Variants in PTPRD observed in about 807,000 individuals in gnomAD.
PTPRD encodes the protein protein tyrosine phosphatase receptor type D.
In PTPRD, 34 loss-of-function variants were observed where a neutral mutation model predicts 214.5. The observed-to-expected ratio is 0.16, with a 90% CI of 0.12 to 0.21. The LOEUF (loss-of-function observed/expected upper bound fraction) is 0.21. Among genes scored for constraint, PTPRD ranks in the 10% least tolerant of loss-of-function variants. The pLI is 1.00. For synonymous variants in PTPRD, 1,128 were observed against 845.7 expected (o/e 1.33, Z -5.79); for missense variants, 2,545 against 2,398.7 (o/e 1.06, Z -1.27).
chr9:8,847,884 C>A (rs1192243518), intron 11 of PTPRD, among the ~76,000 whole-genome samples: 1 of 152,104 alleles, frequency 6.6e-6, no homozygotes, highest in Non-Finnish European at 1.5e-5. Flanking sequence ...GGGCAGGCTG[C>A]CAATAAGCAG....
intron 4 of PTPRD, among the ~76,000 whole-genome samples, chr9:9,995,573 G>C (rs1431126759): frequency 1.3e-5 from 2 of 152,136 alleles, no homozygotes; most frequent in Non-Finnish European, 2.9e-5. Flanking sequence ...CTTGGCAGTG[G>C]CCACTTTAGT....
At chr9:9,796,465 A>C (rs1279760169) in intron 5 of PTPRD, among the ~76,000 whole-genome samples, 1 of 152,138 alleles carries the variant, frequency 6.6e-6, no homozygotes, top group Non-Finnish European at 1.5e-5. Flanking sequence ...AAAATTGAAA[A>C]ATAGTCATGT....
At chr9:10,578,700 G>T (rs550441712) in intron 2 of PTPRD, among the ~76,000 whole-genome samples, 1 of 152,170 alleles carries the variant, frequency 6.6e-6, no homozygotes, top group South Asian at 2.1e-4. Flanking sequence ...CTACAGCATT[G>T]CCACTTTCGT....
intron 2 of PTPRD, among the ~76,000 whole-genome samples, chr9:10,344,156 T>C (rs1412749953): frequency 6.6e-6 from 1 of 151,654 alleles, no homozygotes; most frequent in Non-Finnish European, 1.5e-5. Context: ...GTTTTTATGG[T>C]TTTAGGTCTT....
chr9:9,642,893 A>C (rs1043734659), intron 7 of PTPRD, among the ~76,000 whole-genome samples: 2 of 152,232 alleles, frequency 1.3e-5, no homozygotes, highest in Admixed American at 6.5e-5. Context: ...TTGCAAAAAC[A>C]GAGCTGTGAT....
chr9:9,725,672 G>A (rs2098075935), intron 7 of PTPRD, among the ~76,000 whole-genome samples: 1 of 152,044 alleles, frequency 6.6e-6, no homozygotes, highest in Admixed American at 6.6e-5. Flanking sequence ...TCAACTACAT[G>A]TTTGTAGAAA....
At position 8,316,289 on chromosome 9, in the gene PTPRD, A is replaced by T. The variant is rs1397522912; in HGVS notation, c.*1585T>A. 3.5e-5 allele frequency: 8 copies of T among 230,938 alleles called. No homozygotes were observed. The highest frequency in any genetic ancestry group is 6.9e-5 in the Non-Finnish European group (8 of 116,340). The allele number at this position is 230,938 out of a possible 1,614,324, so 14.3% of individuals were successfully genotyped here. On this transcript the variant is annotated 3_prime_UTR_variant, in exon 46 of 46. Coordinates refer to ENST00000381196, the MANE Select transcript of PTPRD (RefSeq NM_002839.4). ...GTAACAGATACGAACAGTGAATGGA[A>T]ATACGAACCAAAAGCTAAAAAGAAA...
chr9:8,351,680 T>C (rs2075490789), intron 39 of PTPRD, among the ~76,000 whole-genome samples: 1 of 132,222 alleles, frequency 7.6e-6, no homozygotes, highest in Non-Finnish European at 1.5e-5. Context: ...TTTTAAAGAG[T>C]GGATATCAGA....
chr9:10,129,193 C>A (rs1003555878), intron 3 of PTPRD, among the ~76,000 whole-genome samples: 1 of 152,050 alleles, frequency 6.6e-6, no homozygotes, highest in Non-Finnish European at 1.5e-5. Context: ...ATTCATCTTG[C>A]TTTGTTTATA....
chr9:9,668,753 T>G (rs1564431757), intron 7 of PTPRD, among the ~76,000 whole-genome samples: 1 of 152,186 alleles, frequency 6.6e-6, no homozygotes, highest in African/African-American at 2.4e-5. Context: ...TCGTTTCATC[T>G]TTAATTGATA....
intron 11 of PTPRD, among the ~76,000 whole-genome samples, chr9:9,000,360 G>C (rs1049921965): frequency 6.6e-6 from 1 of 151,940 alleles, no homozygotes; most frequent in Non-Finnish European, 1.5e-5. Flanking sequence ...ATGTGCAATA[G>C]GGGAGAATTC....
At chr9:9,506,719 G>T (rs1415023543) in intron 8 of PTPRD, among the ~76,000 whole-genome samples, 1 of 151,340 alleles carries the variant, frequency 6.6e-6, no homozygotes, top group Non-Finnish European at 1.5e-5. Context: ...TAGTGGAAAA[G>T]CACATTAAGA....
rs555856119 is a variant in PTPRD, at chr9:9,860,742, A to G, written c.-368+77765T>C. Reference sequence around the variant, plus strand: ...GAAGCTTTCCTAGGACCACTAAACAATTGTAGTTCATTACTGATCCACACC... The same window carrying G: ...GAAGCTTTCCTAGGACCACTAAACAGTTGTAGTTCATTACTGATCCACACC... On this transcript the variant is annotated intron_variant, in intron 5 of 45. Transcript: ENST00000381196. Among the ~76,000 whole-genome samples, 3 of 152,302 alleles carry G rather than the reference A, an allele frequency of 2.0e-5. No homozygotes were observed. In the East Asian group the frequency reaches 5.8e-4, roughly 29 times the overall value.
At chr9:8,952,640 T>G (rs531533778) in intron 11 of PTPRD, among the ~76,000 whole-genome samples, 1 of 151,910 alleles carries the variant, frequency 6.6e-6, no homozygotes, top group African/African-American at 2.4e-5. Context: ...ATTCAACAGG[T>G]TGTAGGTAAC....
rs113888574 is a variant in PTPRD, at chr9:9,877,530, G to A, written c.-368+60977C>T. 5.3e-5 allele frequency among the ~76,000 whole-genome samples: 8 copies of A among 152,166 alleles called. No individual in the cohort carries two copies. In the East Asian group the frequency reaches 1.5e-3, roughly 29 times the overall value. Reference sequence around the variant, plus strand: ...TTTTCATGACTCCTATGATCAAAGTGAGAGTGAATCTTAGGTGAAAGGAGG... The same window carrying A: ...TTTTCATGACTCCTATGATCAAAGTAAGAGTGAATCTTAGGTGAAAGGAGG... On this transcript the variant is annotated intron_variant, in intron 5 of 45. Transcript: ENST00000381196.
chr9:8,517,773 CTTT>C (rs886569514), intron 21 of PTPRD, 72 bp downstream of exon 21: 67 of 1,275,390 alleles, frequency 5.3e-5, no homozygotes, highest in African/African-American at 2.3e-4. Flanking sequence ...TTTGTTCCTT[CTTT>C]GTTTTTGTCC....
intron 4 of PTPRD, among the ~76,000 whole-genome samples, chr9:10,019,339 C>G (rs181456043): frequency 0.025 from 3,732 of 152,198 alleles, 155 homozygotes; most frequent in African/African-American, 0.082. Context: ...GGACTGTAAA[C>G]TAGTTCAACC....
intron 5 of PTPRD, among the ~76,000 whole-genome samples, chr9:9,878,513 A>G (rs1439990486): frequency 2.0e-5 from 3 of 152,212 alleles, no homozygotes; most frequent in Non-Finnish European, 4.4e-5. Context: ...AAATAAATGT[A>G]ATAGCAGACA....
At chr9:8,762,503 T>A (rs1599008972) in intron 11 of PTPRD, among the ~76,000 whole-genome samples, 1 of 152,162 alleles carries the variant, frequency 6.6e-6, no homozygotes, top group Admixed American at 6.6e-5. Context: ...CATTTTCATA[T>A]AATAAAATAA....
Sources: gnomAD v4.1 joint callset for allele counts (sites outside exome capture counted in the v4.1 genomes callset) on GRCh38, gnomAD v4.1.1 for gene constraint, MANE v1.5 for transcripts, NCBI Gene and HGNC (gene_info 2026-07-23, HGNC 2026-07-21) for gene names.